The following CTNNA3 variants were observed in gnomAD, a reference collection of about 807,000 sequenced individuals.
The protein encoded by CTNNA3 is catenin alpha 3, also known as catenin alpha-3.
A neutral mutation model predicts 95.7 loss-of-function variants in CTNNA3; 76 were observed. The observed-to-expected ratio is 0.79, with a 90% CI of 0.66 to 0.96. CTNNA3 has a LOEUF of 0.96. Among genes scored for constraint, CTNNA3 ranks in the 40% least tolerant of loss-of-function variants. The pLI is 0.00. For missense variants in CTNNA3, 1,191 were observed against 1,089.8 expected (o/e 1.09, Z -1.31); for synonymous variants, 431 against 374.4 (o/e 1.15, Z -1.74).
chr10:65,950,429 C>G (rs1459011502), intron 17 of CTNNA3, among the ~76,000 whole-genome samples: 1 of 151,400 alleles, frequency 6.6e-6, no homozygotes, highest in East Asian at 1.9e-4. Flanking sequence ...CCCTTTTCTT[C>G]TGTGTTTTTC....
intron 3 of CTNNA3, among the ~76,000 whole-genome samples, chr10:67,579,935 T>C (rs1026887240): frequency 6.6e-6 from 1 of 152,242 alleles, no homozygotes; most frequent in African/African-American, 2.4e-5. Context: ...TTTAAGTTCT[T>C]TATCGATTCT....
intron 17 of CTNNA3, among the ~76,000 whole-genome samples, chr10:65,963,732 T>C (rs1467803564): frequency 6.6e-6 from 1 of 152,212 alleles, no homozygotes; most frequent in Non-Finnish European, 1.5e-5. Context: ...TAGTAATGGA[T>C]TTGAATGAAC....
intron 7 of CTNNA3, among the ~76,000 whole-genome samples, chr10:66,800,661 A>G (rs1180475575): frequency 6.6e-6 from 1 of 151,360 alleles, no homozygotes; most frequent in Non-Finnish European, 1.5e-5. Flanking sequence ...TTTTCTCATT[A>G]AAAAGTAGAT....
At chr10:67,013,241 T>C (rs554351342) in intron 7 of CTNNA3, among the ~76,000 whole-genome samples, 1 of 151,532 alleles carries the variant, frequency 6.6e-6, no homozygotes, top group Non-Finnish European at 1.5e-5. Context: ...TAATACTCTA[T>C]TAAGTTGCCT....
At chr10:66,623,331 CT>C (rs1479655285) in intron 9 of CTNNA3, among the ~76,000 whole-genome samples, 4 of 152,008 alleles carry the variant, frequency 2.6e-5, no homozygotes, top group Admixed American at 6.6e-5. Context: ...TAACCCAAAG[CT>C]TAGAAATTAT....
intron 11 of CTNNA3, among the ~76,000 whole-genome samples, chr10:66,420,615 A>G (rs11812555): frequency 0.38 from 57,681 of 151,320 alleles, 11,526 homozygotes; most frequent in African/African-American, 0.5. Flanking sequence ...CCTGGCTAAC[A>G]CAGTGAAACC....
intron 13 of CTNNA3, among the ~76,000 whole-genome samples, chr10:66,257,265 G>T (rs1215548178): frequency 2.6e-5 from 4 of 152,142 alleles, no homozygotes; most frequent in Non-Finnish European, 5.9e-5. Context: ...AGATACAGGG[G>T]CCAGTTATTC....
intron 7 of CTNNA3, among the ~76,000 whole-genome samples, chr10:67,100,385 A>T (rs1283520737): frequency 6.6e-6 from 1 of 151,756 alleles, no homozygotes; most frequent in African/African-American, 2.4e-5. Context: ...GATGATGATT[A>T]TTATTATTTT....
At chr10:66,649,794 G>C (rs538843190) in intron 9 of CTNNA3, among the ~76,000 whole-genome samples, 11 of 152,188 alleles carry the variant, frequency 7.2e-5, no homozygotes, top group Non-Finnish European at 1.6e-4. Flanking sequence ...CTGGCCCTTG[G>C]TCAGAACCAG....
In CTNNA3 at chr10:67,741,899, A is replaced by G. The variant is rs376170842; in HGVS notation, c.-2+21535T>C. Among the ~76,000 whole-genome samples, 13 of 151,210 alleles carry G rather than the reference A, an allele frequency of 8.6e-5. 1 individual carries two copies. Among genetic ancestry groups the G allele is most frequent in the Non-Finnish European group, 1.6e-4 (11 of 67,698 alleles). ...GACTTTAAACCAACAAAGATCAAAA[A>G]AGACAAAGAAGGCCATTACATAATG... On this transcript the variant is annotated intron_variant, in intron 1 of 17. Transcript: ENST00000684154.
intron 8 of CTNNA3, 99 bp from the exon 9 acceptor site, chr10:66,766,515 T>G: frequency 9.5e-7 from 1 of 1,055,558 alleles, no homozygotes; most frequent in African/African-American, 1.6e-5. Flanking sequence ...TCATTTTTCA[T>G]TTTTGCACAA....
At chr10:66,106,013 G>T (rs2081886227) in intron 13 of CTNNA3, among the ~76,000 whole-genome samples, 1 of 152,060 alleles carries the variant, frequency 6.6e-6, no homozygotes, top group Non-Finnish European at 1.5e-5. Flanking sequence ...TTCGAGACCA[G>T]CCTGACCAAC....
chr10:67,215,432 C>T (rs142752501), intron 6 of CTNNA3, among the ~76,000 whole-genome samples: 10 of 152,146 alleles, frequency 6.6e-5, no homozygotes, highest in East Asian at 5.8e-4. Context: ...TCCTTGGAAC[C>T]GTATGAGAAT....
chr10:67,576,068 A>G (rs1229677317), intron 3 of CTNNA3, among the ~76,000 whole-genome samples: 2 of 152,310 alleles, frequency 1.3e-5, no homozygotes, highest in East Asian at 3.9e-4. Context: ...TTGCTGATTC[A>G]AAGTTGAACC....
intron 13 of CTNNA3, among the ~76,000 whole-genome samples, chr10:66,193,369 G>A (rs953471133): frequency 2.0e-5 from 3 of 152,122 alleles, no homozygotes; most frequent in African/African-American, 7.2e-5. Flanking sequence ...CAAGTGGATA[G>A]TCTGTTTCAA....
chr10:66,100,342 A>T (rs572284579), intron 14 of CTNNA3, among the ~76,000 whole-genome samples: 1 of 152,296 alleles, frequency 6.6e-6, no homozygotes, highest in South Asian at 2.1e-4. Context: ...ATGACTGAGC[A>T]GTTATCAGAG....
chr10:65,941,400 C>T (rs2077427852), intron 17 of CTNNA3, among the ~76,000 whole-genome samples: 1 of 152,186 alleles, frequency 6.6e-6, no homozygotes, highest in Admixed American at 6.5e-5. Context: ...ACTGCTGTCA[C>T]TCTAACGACA....
intron 1 of CTNNA3, among the ~76,000 whole-genome samples, chr10:67,724,268 G>A (rs1402275576): frequency 6.6e-6 from 1 of 152,126 alleles, no homozygotes; most frequent in Non-Finnish European, 1.5e-5. Context: ...TCCTTAGGAT[G>A]ATACTGTTGA....
rs1439887122 is a variant in CTNNA3 at position 67,237,122 on chromosome 10, GTATGTATATATATATATATATATA to G, written c.580-17276_580-17253del. On this transcript the variant is annotated intron_variant, in intron 5 of 17. Transcript: ENST00000433211. Reference sequence around the variant, plus strand: ...AATGAGTGGATAAAGAAACTATGGTGTATGTATATATATATATATATATATATATATATATATATATATATATAT... The same window carrying G: ...AATGAGTGGATAAAGAAACTATGGTGTATATATATATATATATATATATAT... Among the ~76,000 whole-genome samples the G allele has an allele frequency of 6.1e-3, 486 of 79,632 alleles. 30 individuals carry two copies. Among genetic ancestry groups the G allele is most frequent in the South Asian group, 7.0e-3 (11 of 1,578 alleles). 52.2% of individuals were successfully genotyped at this position (79,632 alleles called of 152,430 possible).
Sources: gnomAD v4.1 joint callset for allele counts (sites outside exome capture counted in the v4.1 genomes callset) on GRCh38, gnomAD v4.1.1 for gene constraint, MANE v1.5 for transcripts, NCBI Gene and HGNC (gene_info 2026-07-23, HGNC 2026-07-21) for gene names.